Variants in CRTC1 observed in about 807,000 individuals in gnomAD.
The protein encoded by CRTC1 is CREB-regulated transcription coactivator 1.
CRTC1 carries 18 observed loss-of-function variants against 66.1 expected under a neutral mutation model. The ratio of observed to expected loss-of-function variants is 0.27; its 90% CI spans 0.19 to 0.40. The LOEUF (loss-of-function observed/expected upper bound fraction) is 0.40. Among genes scored for constraint, CRTC1 ranks in the 10% least tolerant of loss-of-function variants. The pLI is 1.00. For synonymous variants in CRTC1, 416 were observed against 398.8 expected, an observed-to-expected ratio of 1.04 and a Z score of -0.51; for missense variants, 669 against 887.9, an observed-to-expected ratio of 0.75 and a Z score of 3.13.
At chr19:18,772,390 A>G (rs1159577314) in intron 11 of CRTC1, among the ~76,000 whole-genome samples, 1 of 152,152 alleles carries the variant, frequency 6.6e-6, no homozygotes, top group Non-Finnish European at 1.5e-5. Flanking sequence ...CCCTGGCAGC[A>G]GAGCCTCCCC....
intron 6 of CRTC1, among the ~76,000 whole-genome samples, chr19:18,757,776 G>T (rs943281104): frequency 1.3e-5 from 2 of 152,196 alleles, no homozygotes; most frequent in Non-Finnish European, 2.9e-5. Context: ...CAGCACTTTG[G>T]GAGGCTGAGG....
intron 5 of CRTC1, among the ~76,000 whole-genome samples, chr19:18,753,094 T>A (rs754225494): frequency 7.9e-5 from 12 of 150,970 alleles, no homozygotes; most frequent in Non-Finnish European, 1.6e-4. Flanking sequence ...TGAAACCCCG[T>A]CTCTACTAAA....
intron 1 of CRTC1, among the ~76,000 whole-genome samples, chr19:18,698,504 C>A (rs739848): frequency 6.2e-5 from 9 of 146,204 alleles, no homozygotes; most frequent in Non-Finnish European, 1.2e-4. Context: ...ACTCAGCAGG[C>A]GCTCAGCAGG....
intron 1 of CRTC1, among the ~76,000 whole-genome samples, chr19:18,726,049 T>C (rs1361799029): frequency 6.6e-6 from 1 of 152,188 alleles, no homozygotes; most frequent in Non-Finnish European, 1.5e-5. Flanking sequence ...TTCTCTGGAG[T>C]TGAGGCCGGG....
intron 1 of CRTC1, among the ~76,000 whole-genome samples, chr19:18,725,091 C>A (rs541211053): frequency 6.6e-6 from 1 of 152,204 alleles, no homozygotes; most frequent in Admixed American, 6.5e-5. Context: ...ACCCAGGAGA[C>A]CCCTGTATGC....
chr19:18,762,194 C>T (rs919076083), intron 8 of CRTC1, among the ~76,000 whole-genome samples: 1 of 152,238 alleles, frequency 6.6e-6, no homozygotes, highest in African/African-American at 2.4e-5. Context: ...CTGGAGGGTC[C>T]TTGGCAGGTC....
chr19:18,754,323 G>A (rs1318076687), intron 6 of CRTC1, among the ~76,000 whole-genome samples: 1 of 152,142 alleles, frequency 6.6e-6, no homozygotes, highest in Non-Finnish European at 1.5e-5. Flanking sequence ...GAGTTTGGGA[G>A]CAGCCTGGTC....
chr19:18,776,090 T>A (rs894131119), intron 13 of CRTC1, among the ~76,000 whole-genome samples: 6 of 152,178 alleles, frequency 3.9e-5, no homozygotes, highest in Non-Finnish European at 8.8e-5. Context: ...GGCGGCCTCC[T>A]GTCTGGCCAA....
At chr19:18,753,612 T>G in intron 6 of CRTC1, 27 bp downstream of exon 6, 1 of 1,553,908 alleles carries the variant, frequency 6.4e-7, no homozygotes, top group Admixed American at 1.8e-5. Context: ...TTTCAAAAAC[T>G]TTTTTTCTTC....
chr19:18,763,728 T>A (rs1030227797), intron 8 of CRTC1, among the ~76,000 whole-genome samples: 1 of 152,220 alleles, frequency 6.6e-6, no homozygotes, highest in South Asian at 2.1e-4. Context: ...GTGCTCTGGT[T>A]TGCCTCAGGC....
In CRTC1 at chr19:18,713,308, T is replaced by C. The variant is rs547516994; in HGVS notation, c.126+29480T>C. On this transcript the variant is annotated intron_variant, in intron 1 of 13. Transcript: ENST00000321949. ...CTTGTCTGTTGATGGGCATTTGGCC[T>C]GTTTCCACCTTTTGGCTGTTATGAA... 5.3e-5 allele frequency among the ~76,000 whole-genome samples: 8 copies of C among 152,378 alleles called. No homozygotes were observed. In the South Asian group the frequency reaches 1.0e-3, roughly 20 times the overall value.
At chr19:18,750,818 A>G (rs936780711) in intron 5 of CRTC1, among the ~76,000 whole-genome samples, 3 of 152,180 alleles carry the variant, frequency 2.0e-5, no homozygotes, top group Admixed American at 6.5e-5. Context: ...CATAATGAAA[A>G]TGAGGCTTCT....
intron 1 of CRTC1, among the ~76,000 whole-genome samples, chr19:18,698,549 T>G (rs968514671): frequency 6.7e-6 from 1 of 149,324 alleles, no homozygotes; most frequent in Non-Finnish European, 1.5e-5. Flanking sequence ...CAGCAGGCAC[T>G]CAGCAGGTGC....
intron 6 of CRTC1, among the ~76,000 whole-genome samples, chr19:18,756,334 C>CAAAAA (rs56092227): frequency 1.5e-4 from 11 of 73,206 alleles, no homozygotes; most frequent in African/African-American, 2.5e-4. Context: ...AACTCCATCT[C>CAAAAA]AAAAAAAAAA....
intron 1 of CRTC1, among the ~76,000 whole-genome samples, chr19:18,726,843 T>A (rs760765971): frequency 6.6e-6 from 1 of 150,464 alleles, no homozygotes; most frequent in Non-Finnish European, 1.5e-5. Flanking sequence ...GGAGAATTGC[T>A]TGAACCCAGG....
In CRTC1 at chr19:18,778,318, A is replaced by G. The variant is rs2055040085; in HGVS notation, c.*936A>G. On this transcript the variant is annotated 3_prime_UTR_variant, in exon 14 of 14. Transcript: ENST00000321949. ...TTTTTTCCTTTTAGTTTCTAGTTAC[A>G]TTTTGGTTGTAGATGACTCGCTTAA... 4.3e-6 allele frequency: 1 copy of G among 232,734 alleles called. No homozygotes were observed. Among genetic ancestry groups the G allele is most frequent in the Non-Finnish European group, 8.5e-6 (1 of 117,832 alleles). 14.4% of individuals were successfully genotyped at this position (232,734 alleles called of 1,614,324 possible). A position where few individuals can be genotyped will look rare whatever the true frequency, so the allele number is the denominator to read the frequency against.
intron 2 of CRTC1, among the ~76,000 whole-genome samples, chr19:18,744,492 AC>A (rs2054186476): frequency 1.3e-5 from 1 of 79,944 alleles, no homozygotes; most frequent in African/African-American, 6.1e-5. Flanking sequence ...ACACACACAA[AC>A]ACACACACAC....
In CRTC1 at chr19:18,744,505, C is replaced by T. The variant is rs555632973; in HGVS notation, c.244-1318C>T. Among the ~76,000 whole-genome samples the T allele has an allele frequency of 5.2e-3, 786 of 152,302 alleles. 6 individuals carry two copies. Among genetic ancestry groups the T allele is most frequent in the African/African-American group, 0.016 (669 of 41,556 alleles). On this transcript the variant is annotated intron_variant, in intron 2 of 13. Coordinates refer to ENST00000321949, the MANE Select transcript of CRTC1 (RefSeq NM_015321.3). ...ACACACACACAAACACACACACACACACACACATACACACACGTGTGCACG... is the reference window on the plus strand; with the variant it reads ...ACACACACACAAACACACACACACATACACACATACACACACGTGTGCACG...
At chr19:18,694,797 A>G (rs1275013848) in intron 1 of CRTC1, among the ~76,000 whole-genome samples, 2 of 152,038 alleles carry the variant, frequency 1.3e-5, no homozygotes, top group Admixed American at 1.3e-4. Flanking sequence ...TTTGAAACCC[A>G]CTGACCTCAA....
Sources: allele counts gnomAD v4.1 joint callset (sites outside exome capture counted in the v4.1 genomes callset), GRCh38; gene constraint gnomAD v4.1.1; transcripts MANE v1.5; gene names NCBI Gene and HGNC (gene_info 2026-07-23, HGNC 2026-07-21).